Variants in DAB2IP observed in about 807,000 individuals in gnomAD.
DAB2IP encodes DAB2 interacting protein, also known as disabled homolog 2-interacting protein.
A neutral mutation model predicts 107.2 loss-of-function variants in DAB2IP; 28 were observed. The observed-to-expected ratio is 0.26, with a 90% confidence interval of 0.19 to 0.36. The LOEUF is 0.36. Among genes scored for constraint, DAB2IP ranks in the 10% least tolerant of loss-of-function variants. The probability of loss-of-function intolerance (pLI) is 1.00; values close to 1 mark genes in which losing one functional copy is unlikely to be tolerated. For missense variants in DAB2IP, 1,400 were observed against 1,644.7 expected, an observed-to-expected ratio of 0.85 and a Z score of 2.57; for synonymous variants, 755 against 706.4, an observed-to-expected ratio of 1.07 and a Z score of -1.09.
At chr9:121,567,373 TG>T in intron 1 of DAB2IP, 1 of 1,203,154 alleles carries the variant, frequency 8.3e-7, no homozygotes, top group Non-Finnish European at 1.2e-6. Context: ...TGGGTGGGCA[TG>T]GGTGCGTTGG....
chr9:121,630,898 A>G (rs780018070), intron 1 of DAB2IP, among the ~76,000 whole-genome samples: 15 of 152,132 alleles, frequency 9.9e-5, no homozygotes, highest in Non-Finnish European at 1.8e-4. Context: ...ATGAGCCACC[A>G]TGCCCGGCCT....
intron 3 of DAB2IP, among the ~76,000 whole-genome samples, chr9:121,732,141 C>T (rs764718440): frequency 2.0e-5 from 3 of 152,224 alleles, no homozygotes; most frequent in East Asian, 3.9e-4. Flanking sequence ...GTCCTCTTTC[C>T]GTTGCCTCTT....
In DAB2IP at chr9:121,599,012, T is replaced by G. The variant is rs1399842015; in HGVS notation, c.40+31784T>G. Among the ~76,000 whole-genome samples the G allele has an allele frequency of 2.6e-5, 4 of 152,144 alleles. No individual in the cohort carries two copies. Among genetic ancestry groups the G allele is most frequent in the Non-Finnish European group, 5.9e-5 (4 of 68,026 alleles). On this transcript the variant is annotated intron_variant, in intron 1 of 16. Coordinates refer to the DAB2IP transcript ENST00000259371. This position sits in a 1 kb window ranked among gnomAD's most constrained non-coding sequence, Gnocchi z 6.9. ...GGTGGGAGTGCTGGGGTGCCTTCCC[T>G]GTGACACCCCGCACTGTCCCCTTCC...
chr9:121,699,224 G>T lies in DAB2IP; in HGVS notation c.229-101G>T. 3.0e-6 allele frequency: 3 copies of T among 1,002,040 alleles called. No homozygotes were observed. The highest frequency in any genetic ancestry group is 2.4e-6 in the Non-Finnish European group (2 of 842,658). The allele number at this position is 1,002,040 out of a possible 1,614,324, so 62.1% of individuals were successfully genotyped here. On this transcript the variant is annotated intron_variant, in intron 2 of 15. Transcript: ENST00000408936. The surrounding 1 kb of genome is among the most constrained non-coding windows in gnomAD (Gnocchi z 6.2). ...GCCCGAGCCCGGCCCGCCCTCGGCCGCGCGGCCGCCCAGCAAGGGTGCGGG... is the reference window on the plus strand; with the variant it reads ...GCCCGAGCCCGGCCCGCCCTCGGCCTCGCGGCCGCCCAGCAAGGGTGCGGG...
chr9:121,663,603 T>C (rs954936729), intron 1 of DAB2IP, among the ~76,000 whole-genome samples: 3 of 152,188 alleles, frequency 2.0e-5, no homozygotes, highest in Non-Finnish European at 2.9e-5. Flanking sequence ...TTACAGACCA[T>C]TGGAACTCGA....
At chr9:121,724,014 T>G (rs1196655015) in intron 3 of DAB2IP, among the ~76,000 whole-genome samples, 2 of 152,060 alleles carry the variant, frequency 1.3e-5, no homozygotes, top group Admixed American at 6.5e-5. Context: ...TTGGGGATGA[T>G]GAGGATGTTG....
At chr9:121,770,958 C>A (rs1259284189) in intron 11 of DAB2IP, among the ~76,000 whole-genome samples, 1 of 149,738 alleles carries the variant, frequency 6.7e-6, no homozygotes, top group Non-Finnish European at 1.5e-5. Flanking sequence ...AGTAGCATTT[C>A]CATTGGTGGA....
chr9:121,767,409 G>A lies in DAB2IP; in HGVS notation c.1697+679G>A, dbSNP rs149999280. Among the ~76,000 whole-genome samples, 347 of 152,352 alleles carry A rather than the reference G, an allele frequency of 2.3e-3. 2 individuals are homozygous for A. Among genetic ancestry groups the A allele is most frequent in the African/African-American group, 8.1e-3 (336 of 41,596 alleles). On this transcript the variant is annotated intron_variant, in intron 9 of 15. Transcript: ENST00000408936. ...CAGGAGAGCAGTGATAGACACACAC[G>A]AGCCTCTTAGGAGGGCTCTCAGCTT...
intron 2 of DAB2IP, among the ~76,000 whole-genome samples, chr9:121,682,277 G>A (rs1386455024): frequency 6.6e-6 from 1 of 152,236 alleles, no homozygotes; most frequent in African/African-American, 2.4e-5. Context: ...CCTCGGGGAG[G>A]CAGGGGAGAT....
chr9:121,580,414 C>T (rs1030953468), intron 1 of DAB2IP, among the ~76,000 whole-genome samples: 51 of 152,118 alleles, frequency 3.4e-4, no homozygotes, highest in African/African-American at 6.3e-4. Context: ...TACAGTGGCT[C>T]GTGCCTGCTA....
At chr9:121,628,226 C>T (rs963227916) in intron 1 of DAB2IP, among the ~76,000 whole-genome samples, 1 of 152,212 alleles carries the variant, frequency 6.6e-6, no homozygotes, top group African/African-American at 2.4e-5. Context: ...CAGGGCTTCT[C>T]CTAGCTCAGA....
chr9:121,753,733 G>A (rs1833289847), intron 3 of DAB2IP, among the ~76,000 whole-genome samples: 1 of 152,214 alleles, frequency 6.6e-6, no homozygotes, highest in Non-Finnish European at 1.5e-5. Context: ...CTCACCTTGT[G>A]CTGACTAGAG....
chr9:121,576,921 C>A (rs2118895396), intron 1 of DAB2IP, among the ~76,000 whole-genome samples: 1 of 152,240 alleles, frequency 6.6e-6, no homozygotes, highest in East Asian at 1.9e-4. Context: ...GTGTCAGAAC[C>A]ACTCCCTTTC....
intron 1 of DAB2IP, among the ~76,000 whole-genome samples, chr9:121,572,689 C>T (rs1197636221): frequency 1.3e-5 from 2 of 152,158 alleles, no homozygotes; most frequent in East Asian, 3.8e-4. Context: ...CCTGCCCTGC[C>T]TGTTTTTCAG....
intron 9 of DAB2IP, among the ~76,000 whole-genome samples, chr9:121,768,150 A>AACTT (rs750807984): frequency 3.9e-5 from 6 of 152,136 alleles, no homozygotes; most frequent in Non-Finnish European, 7.3e-5. Context: ...AGGGCAGTGA[A>AACTT]ACTTGGAGGA....
At position 121,675,681 on chromosome 9, in the gene DAB2IP, T is replaced by G. The variant is rs116379859; in HGVS notation, c.125-2997T>G. On this transcript the variant is annotated intron_variant, in intron 1 of 15. Transcript: ENST00000408936. ...CACTGGACCCTCATTCCTGTTGTGG[T>G]GCTCAGTAGCCCTGTGACCTTGGGC... Among the ~76,000 whole-genome samples the G allele has an allele frequency of 7.1e-3, 1,088 of 152,310 alleles. 11 individuals are homozygous for G. The highest frequency in any genetic ancestry group is 0.025 in the African/African-American group (1,049 of 41,558).
chr9:121,649,887 C>G (rs1432303216), upstream of DAB2IP, among the ~76,000 whole-genome samples: 1 of 152,344 alleles, frequency 6.6e-6, no homozygotes, highest in African/African-American at 2.4e-5. Flanking sequence ...TAGGGCAATG[C>G]CTCCAAGCTT....
chr9:121,648,555 C>G (rs961634193), upstream of DAB2IP, among the ~76,000 whole-genome samples: 4 of 152,086 alleles, frequency 2.6e-5, no homozygotes, highest in Non-Finnish European at 5.9e-5. Context: ...TAGGTCAGAT[C>G]TGATTTAGCC....
Position 121,701,670 on chromosome 9 carries a change from C to T in DAB2IP, c.362+2212C>T, listed in dbSNP as rs554468878. Among the ~76,000 whole-genome samples, 22 of 152,138 alleles carry T rather than the reference C, an allele frequency of 1.4e-4. No homozygotes were observed. The highest frequency in any genetic ancestry group is 3.1e-4 in the Non-Finnish European group (21 of 68,018). ...TGCTTAGGAACAGATTCGTCGGCTG[C>T]TGCTGGGATGGATGGGCAGAAATTT... On this transcript the variant is annotated intron_variant, in intron 3 of 15. Transcript: ENST00000408936. The surrounding 1 kb of genome is among the most constrained non-coding windows in gnomAD (Gnocchi z 4.7).
Sources: gnomAD v4.1 joint callset for allele counts (sites outside exome capture counted in the v4.1 genomes callset) on GRCh38, gnomAD v4.1.1 for gene constraint, Gnocchi (gnomAD v3.1) non-coding constraint, MANE v1.5 for transcripts, NCBI Gene and HGNC (gene_info 2026-07-23, HGNC 2026-07-21) for gene names.